Variants in BCL2 observed in about 807,000 individuals in gnomAD.
BCL2 encodes BCL2 apoptosis regulator, also known as apoptosis regulator Bcl-2.
Under a neutral mutation model 14.2 loss-of-function variants are expected in BCL2, and 1 was observed. The observed-to-expected ratio is 0.07, with a 90% CI of 0.02 to 0.33. The LOEUF (loss-of-function observed/expected upper bound fraction) is 0.33, where lower values mean the gene tolerates loss of function less well. Among genes scored for constraint, BCL2 ranks in the 10% least tolerant of loss-of-function variants. The probability of loss-of-function intolerance (pLI) is 0.99; values close to 1 mark genes in which losing one functional copy is unlikely to be tolerated. For missense variants in BCL2, 247 were observed against 305.9 expected (o/e 0.81, Z 1.44); for synonymous variants, 151 against 137.2 (o/e 1.10, Z -0.70).
intron 2 of BCL2, among the ~76,000 whole-genome samples, chr18:63,180,430 C>G (rs758801032): frequency 6.6e-6 from 1 of 152,268 alleles, no homozygotes; most frequent in African/African-American, 2.4e-5. Context: ...CGGCTTGCTC[C>G]GATTCCCCGG....
At chr18:63,290,235 C>T (rs1008280827) in intron 2 of BCL2, among the ~76,000 whole-genome samples, 2 of 152,026 alleles carry the variant, frequency 1.3e-5, no homozygotes, top group Non-Finnish European at 2.9e-5. Context: ...ATTTGAACTG[C>T]CAACAGGAAG....
At chr18:63,248,938 G>A (rs1911227731) in intron 2 of BCL2, among the ~76,000 whole-genome samples, 1 of 152,286 alleles carries the variant, frequency 6.6e-6, no homozygotes, top group Middle Eastern at 3.4e-3. Context: ...TATTTTCCAT[G>A]AAATACTGGT....
intron 2 of BCL2, among the ~76,000 whole-genome samples, chr18:63,262,081 A>T (rs1430504912): frequency 2.7e-5 from 4 of 149,358 alleles, no homozygotes; most frequent in African/African-American, 5.0e-5. Flanking sequence ...CGCCCAGCCA[A>T]TTTTTTTATA....
At chr18:63,176,158 G>A (rs115860627) in intron 2 of BCL2, among the ~76,000 whole-genome samples, 2 of 152,304 alleles carry the variant, frequency 1.3e-5, no homozygotes, top group African/African-American at 4.8e-5. Context: ...TATTAGCATG[G>A]GGAGCAATGG....
At chr18:63,160,679 T>C (rs1318271165) in intron 2 of BCL2, among the ~76,000 whole-genome samples, 1 of 151,672 alleles carries the variant, frequency 6.6e-6, no homozygotes, top group Non-Finnish European at 1.5e-5. Flanking sequence ...GAGGGAAAAA[T>C]GGTTATTTTT....
At chr18:63,247,703 A>G (rs1466407189) in intron 2 of BCL2, among the ~76,000 whole-genome samples, 1 of 152,024 alleles carries the variant, frequency 6.6e-6, no homozygotes, top group South Asian at 2.1e-4. Context: ...TGGACTCACA[A>G]GGTCATGAGA....
intron 2 of BCL2, among the ~76,000 whole-genome samples, chr18:63,179,011 T>TA (rs545294707): frequency 1.3e-5 from 2 of 152,058 alleles, no homozygotes; most frequent in South Asian, 4.1e-4. Context: ...ACATGCAATT[T>TA]AAAAAATAAT....
intron 2 of BCL2, among the ~76,000 whole-genome samples, chr18:63,155,741 C>A (rs917524571): frequency 6.6e-6 from 1 of 152,182 alleles, no homozygotes; most frequent in Admixed American, 6.5e-5. Context: ...GGCTGCTTGG[C>A]CAGATGCCAG....
intron 2 of BCL2, among the ~76,000 whole-genome samples, chr18:63,280,568 G>T (rs947268073): frequency 6.6e-6 from 1 of 152,048 alleles, no homozygotes; most frequent in African/African-American, 2.4e-5. Context: ...TGGCCAATCC[G>T]CACATAAGAA....
intron 2 of BCL2, among the ~76,000 whole-genome samples, chr18:63,269,793 GT>G (rs1345501965): frequency 7.2e-5 from 11 of 152,126 alleles, no homozygotes; most frequent in Non-Finnish European, 1.6e-4. Context: ...TCAGCAATAT[GT>G]TTTTGGTAAT....
At chr18:63,257,862 C>T (rs1911527641) in intron 2 of BCL2, among the ~76,000 whole-genome samples, 1 of 151,876 alleles carries the variant, frequency 6.6e-6, no homozygotes, top group Admixed American at 6.6e-5. Context: ...ACAGACGAGG[C>T]TGAATCAGGG....
rs1179626124 is a variant in BCL2 at position 63,127,490 on chromosome 18, C to T, written c.*1135G>A. 4.3e-6 allele frequency: 1 copy of T among 232,202 alleles called. No homozygotes were observed. Among genetic ancestry groups the T allele is most frequent in the Non-Finnish European group, 8.5e-6 (1 of 117,482 alleles). The allele number at this position is 232,202 out of a possible 1,614,324, so 14.4% of individuals were successfully genotyped here. On this transcript the variant is annotated 3_prime_UTR_variant, in exon 3 of 3. Transcript: ENST00000333681. The stretch of plus-strand genomic sequence containing the variant: ...CCCAGGGTGACAGGCCCAGCCACAC[C>T]CCTCTACTGCTCTTTCTTGACAGTG...
At chr18:63,169,655 T>A (rs999973673) in intron 2 of BCL2, among the ~76,000 whole-genome samples, 1 of 151,740 alleles carries the variant, frequency 6.6e-6, no homozygotes, top group African/African-American at 2.4e-5. Flanking sequence ...CCCGAGTAGC[T>A]GGGACTACAG....
chr18:63,311,619 T>G (rs951627396), intron 2 of BCL2, among the ~76,000 whole-genome samples: 2 of 152,164 alleles, frequency 1.3e-5, no homozygotes, highest in African/African-American at 2.4e-5. Context: ...GAGAGCTGAT[T>G]ATTAACTAAA....
chr18:63,175,092 G>A (rs553256895), intron 2 of BCL2, among the ~76,000 whole-genome samples: 11 of 152,176 alleles, frequency 7.2e-5, no homozygotes, highest in Admixed American at 7.2e-4. Flanking sequence ...CCCCCCACAA[G>A]CACTTCCTCA....
chr18:63,222,632 CA>C, intron 2 of BCL2, among the ~76,000 whole-genome samples: 2 of 152,266 alleles, frequency 1.3e-5, no homozygotes, highest in South Asian at 4.1e-4. Flanking sequence ...TAACACAAAA[CA>C]GGCCATCAGT....
At chr18:63,311,889 GTCCTTA>G (rs976443723) in intron 2 of BCL2, among the ~76,000 whole-genome samples, 8 of 152,210 alleles carry the variant, frequency 5.3e-5, no homozygotes, top group African/African-American at 1.7e-4. Flanking sequence ...TGGGGAAGTA[GTCCTTA>G]CCCTAAGCTA....
At chr18:63,272,747 C>A (rs1912040098) in intron 2 of BCL2, among the ~76,000 whole-genome samples, 1 of 152,218 alleles carries the variant, frequency 6.6e-6, no homozygotes, top group Non-Finnish European at 1.5e-5. Context: ...ACACACACAG[C>A]AGGCTGCCGT....
At chr18:63,310,042 T>C (rs904093729) in intron 2 of BCL2, among the ~76,000 whole-genome samples, 44 of 152,132 alleles carry the variant, frequency 2.9e-4, no homozygotes, top group African/African-American at 1.0e-3. Context: ...TTTCTATTTT[T>C]AGTAGAGAAA....
Sources: allele counts gnomAD v4.1 joint callset (sites outside exome capture counted in the v4.1 genomes callset), GRCh38; gene constraint gnomAD v4.1.1; transcripts MANE v1.5; gene names NCBI Gene and HGNC (gene_info 2026-07-23, HGNC 2026-07-21).